The following HIVEP1 variants were observed in gnomAD, a reference collection of about 807,000 sequenced individuals.
HIVEP1 encodes zinc finger protein 40.
In HIVEP1, 36 loss-of-function variants were observed where a neutral mutation model predicts 180.0. The ratio of observed to expected loss-of-function variants is 0.20; its 90% CI spans 0.15 to 0.26. HIVEP1 has a LOEUF of 0.26. HIVEP1 is among the 10% of genes least tolerant of loss of function. HIVEP1 has a pLI of 1.00. For missense variants in HIVEP1, 3,143 were observed against 3,268.7 expected (o/e 0.96, Z 0.94); for synonymous variants, 1,239 against 1,239.0 (o/e 1.00, Z 0.00).
intron 3 of HIVEP1, among the ~76,000 whole-genome samples, chr6:12,114,693 A>G (rs1428808134): frequency 6.6e-6 from 1 of 152,222 alleles, no homozygotes; most frequent in African/African-American, 2.4e-5. Context: ...TTTTAAATGG[A>G]TGTATAATGT....
downstream of HIVEP1, among the ~76,000 whole-genome samples, chr6:12,165,839 C>G (rs1207239758): frequency 6.6e-6 from 1 of 152,122 alleles, no homozygotes; most frequent in African/African-American, 2.4e-5. Context: ...GTTTGGAGAC[C>G]TGCTGCTAGC....
intron 2 of HIVEP1, among the ~76,000 whole-genome samples, chr6:12,029,858 T>C (rs1390223846): frequency 3.9e-5 from 6 of 152,206 alleles, no homozygotes; most frequent in Non-Finnish European, 8.8e-5. Flanking sequence ...TAATAGGTCT[T>C]ACATATACCT....
the HIVEP1 span, among the ~76,000 whole-genome samples, chr6:12,208,673 C>T: frequency 1.2e-3 from 179 of 152,166 alleles, 1 homozygote; most frequent in African/African-American, 4.0e-3. Flanking sequence ...GTTTAAATGG[C>T]GTCCTTAGAA....
chr6:12,038,139 C>T (rs1211126349), intron 2 of HIVEP1: 1 of 180,614 alleles, frequency 5.5e-6, no homozygotes, highest in Non-Finnish European at 1.1e-5. Context: ...CTATTGATAT[C>T]CTTTCTATTG....
chr6:12,127,316 C>A (rs1271183391), intron 4 of HIVEP1, among the ~76,000 whole-genome samples: 1 of 152,062 alleles, frequency 6.6e-6, no homozygotes, highest in African/African-American at 2.4e-5. Context: ...GGTGGAGAAC[C>A]AATGATACTT....
chr6:12,201,402 G>A, the HIVEP1 span, among the ~76,000 whole-genome samples: 939 of 152,300 alleles, frequency 6.2e-3, 11 homozygotes, highest in African/African-American at 0.022. Context: ...ACTTGAGCCT[G>A]GGAGGTGGAG....
chr6:12,161,827 A>G lies in HIVEP1; in HGVS notation c.6876A>G (p.Val2292=). Reference sequence around the variant, plus strand: ...ATGAAAACGACACAATTCCGTCTGTAGACACTTCCAGGTCCCCGTGTCATC... The same window carrying G: ...ATGAAAACGACACAATTCCGTCTGTGGACACTTCCAGGTCCCCGTGTCATC... The part of the protein sequence containing the change: ...ARDENDTIPS[V]DTSRSPCHQM... The change falls in exon 8 of 9, where the codon GTA becomes GTG. Residue 2292 remains valine (V), a synonymous_variant. Coordinates refer to ENST00000379388, the MANE Select transcript of HIVEP1 (RefSeq NM_002114.4). 6.2e-7 allele frequency: 1 copy of G among 1,614,146 alleles called. No homozygotes were observed. The highest frequency in any genetic ancestry group is 8.5e-7 in the Non-Finnish European group (1 of 1,180,020).
intron 2 of HIVEP1, among the ~76,000 whole-genome samples, chr6:12,085,255 G>T (rs1773044064): frequency 6.6e-6 from 1 of 152,060 alleles, no homozygotes; most frequent in African/African-American, 2.4e-5. Context: ...TGTTAGGGAA[G>T]TTTGCCCAGA....
At chr6:12,147,637 A>C (rs1406452720) in intron 7 of HIVEP1, among the ~76,000 whole-genome samples, 1 of 152,214 alleles carries the variant, frequency 6.6e-6, no homozygotes, top group Admixed American at 6.5e-5. Flanking sequence ...AGCAACAATA[A>C]TACTAATACT....
chr6:12,128,191 G>C (rs1241039702), intron 4 of HIVEP1, among the ~76,000 whole-genome samples: 1 of 152,224 alleles, frequency 6.6e-6, no homozygotes, highest in African/African-American at 2.4e-5. Context: ...CTGTTAAAGG[G>C]ATAAAGTCAA....
chr6:12,160,264 T>G (rs534790936), intron 7 of HIVEP1, among the ~76,000 whole-genome samples: 1 of 152,348 alleles, frequency 6.6e-6, no homozygotes, highest in African/African-American at 2.4e-5. Flanking sequence ...TGGATCATCT[T>G]GAAGATTCCT....
At chr6:12,188,211 G>C in the HIVEP1 span, among the ~76,000 whole-genome samples, 1 of 152,230 alleles carries the variant, frequency 6.6e-6, no homozygotes, top group African/African-American at 2.4e-5. Flanking sequence ...ACCAAATGGG[G>C]TTCATACCAG....
intron 7 of HIVEP1, among the ~76,000 whole-genome samples, chr6:12,156,263 T>A (rs1323558476): frequency 6.6e-6 from 1 of 152,186 alleles, no homozygotes; most frequent in African/African-American, 2.4e-5. Context: ...TTAGACCCCA[T>A]TTGTCAATTT....
At chr6:12,078,307 A>G (rs1270372976) in intron 2 of HIVEP1, among the ~76,000 whole-genome samples, 1 of 152,112 alleles carries the variant, frequency 6.6e-6, no homozygotes, top group Non-Finnish European at 1.5e-5. Context: ...CCGCATTGTC[A>G]GGCTTGGTGC....
At chr6:12,147,005 G>A (rs1408362195) in intron 7 of HIVEP1, among the ~76,000 whole-genome samples, 4 of 152,134 alleles carry the variant, frequency 2.6e-5, no homozygotes, top group Non-Finnish European at 5.9e-5. Flanking sequence ...TGGTGAGGAG[G>A]GAAAGGAAGG....
At chr6:12,107,804 T>G (rs1386464970) in intron 3 of HIVEP1, among the ~76,000 whole-genome samples, 1 of 152,168 alleles carries the variant, frequency 6.6e-6, no homozygotes, top group Admixed American at 6.5e-5. Flanking sequence ...CAGCCTGCTT[T>G]TATTCTCTTA....
Position 12,117,314 on chromosome 6 carries a change from T to C in HIVEP1, c.95-2576T>C, listed in dbSNP as rs1230869395. Among the ~76,000 whole-genome samples, 7 of 152,240 alleles carry C rather than the reference T, an allele frequency of 4.6e-5. No homozygotes were observed. The East Asian group carries it at 1.3e-3, about 29-fold the overall frequency. On this transcript the variant is annotated intron_variant, in intron 3 of 8. Coordinates refer to ENST00000379388, the MANE Select transcript of HIVEP1 (RefSeq NM_002114.4). ...CGATACAGATAAAATGTAAGTGTTA[T>C]AAGCTTTGACAAATGAGAGAGGAGG...
chr6:12,137,869 A>C (rs1457840871), intron 7 of HIVEP1, among the ~76,000 whole-genome samples: 1 of 152,238 alleles, frequency 6.6e-6, no homozygotes, highest in Non-Finnish European at 1.5e-5. Context: ...ATTTTTTTAC[A>C]TACAAAAAAG....
intron 6 of HIVEP1, among the ~76,000 whole-genome samples, chr6:12,135,276 T>A: frequency 6.6e-6 from 1 of 152,186 alleles, no homozygotes; most frequent in Non-Finnish European, 1.5e-5. Flanking sequence ...ACTGTTAAGG[T>A]CCCAGGCAGA....
Sources: gnomAD v4.1 joint callset for allele counts (sites outside exome capture counted in the v4.1 genomes callset) on GRCh38, gnomAD v4.1.1 for gene constraint, MANE v1.5 for transcripts, NCBI Gene and HGNC (gene_info 2026-07-23, HGNC 2026-07-21) for gene names.